RALYL: variants seen among roughly 807,000 people sequenced by gnomAD.
RALYL encodes the protein RALY RNA binding protein like, also known as RNA-binding Raly-like protein.
Under a neutral mutation model 35.1 loss-of-function variants are expected in RALYL, and 29 were observed. The observed-to-expected ratio is 0.83, with a 90% CI of 0.61 to 1.13. The LOEUF is 1.13. Ranked by LOEUF, RALYL falls within the 50% of genes most tolerant of loss-of-function variation. The probability of loss-of-function intolerance (pLI) is 0.00; values close to 1 mark genes in which losing one functional copy is unlikely to be tolerated. For missense variants in RALYL, 359 were observed against 360.4 expected (o/e 1.00, Z 0.03); for synonymous variants, 120 against 127.6 (o/e 0.94, Z 0.40).
chr8:84,340,143 C>A (rs956469825), intron 1 of RALYL, among the ~76,000 whole-genome samples: 2 of 152,046 alleles, frequency 1.3e-5, no homozygotes, highest in African/African-American at 2.4e-5. Flanking sequence ...ACCTCCCCAG[C>A]CATGTGAAAC....
intron 7 of RALYL, among the ~76,000 whole-genome samples, chr8:84,884,585 AAAGT>A (rs1488811027): frequency 2.0e-5 from 3 of 152,002 alleles, no homozygotes; most frequent in African/African-American, 7.2e-5. Context: ...TCAACATCAA[AAAGT>A]AAGAGTTCTC....
intron 7 of RALYL, among the ~76,000 whole-genome samples, chr8:84,873,806 T>C (rs1039577751): frequency 6.6e-6 from 1 of 152,194 alleles, no homozygotes; most frequent in Non-Finnish European, 1.5e-5. Context: ...ATTATTATAA[T>C]GCCCAACTCC....
intron 4 of RALYL, among the ~76,000 whole-genome samples, chr8:84,808,934 A>G (rs1031109452): frequency 2.6e-5 from 4 of 152,156 alleles, no homozygotes; most frequent in African/African-American, 9.7e-5. Flanking sequence ...CAAGGAAAAC[A>G]ATCATATTGT....
chr8:84,864,772 C>G, intron 6 of RALYL: 1 of 608,652 alleles, frequency 1.6e-6, no homozygotes, highest in African/African-American at 1.8e-5. Context: ...ACAGGGGCCC[C>G]TGGGCCTGCT....
At position 84,323,180 on chromosome 8, in the gene RALYL, A is replaced by T. The variant is rs188990743; in HGVS notation, c.-24+138756A>T. 2.0e-5 allele frequency among the ~76,000 whole-genome samples: 3 copies of T among 152,088 alleles called. No individual in the cohort carries two copies. The East Asian group carries it at 5.8e-4, about 29-fold the overall frequency. ...GTCTTCATAAATAGAAGTTGTTTTA[A>T]TAAATGTTAAATGAATTGTAATCCT... is the stretch of plus-strand genomic sequence containing the variant. On this transcript the variant is annotated intron_variant, in intron 1 of 8. Coordinates refer to ENST00000521268, the MANE Select transcript of RALYL (RefSeq NM_173848.7).
chr8:84,763,917 A>C (rs1481189635), intron 2 of RALYL, among the ~76,000 whole-genome samples: 2 of 152,228 alleles, frequency 1.3e-5, no homozygotes, highest in Admixed American at 1.3e-4. Flanking sequence ...CACCAAAGCC[A>C]CAAGGATTCG....
intron 1 of RALYL, among the ~76,000 whole-genome samples, chr8:84,235,977 G>A (rs1442637364): frequency 2.8e-4 from 42 of 151,870 alleles, no homozygotes. Context: ...ATGTTGGCCA[G>A]GATGGTCTTG....
chr8:84,563,984 G>A (rs1450370800), intron 2 of RALYL, among the ~76,000 whole-genome samples: 1 of 151,512 alleles, frequency 6.6e-6, no homozygotes, highest in Non-Finnish European at 1.5e-5. Context: ...TTCCCTGGGG[G>A]AATTGAAGAC....
At chr8:84,236,677 G>A (rs898186074) in intron 1 of RALYL, among the ~76,000 whole-genome samples, 1 of 152,142 alleles carries the variant, frequency 6.6e-6, no homozygotes, top group African/African-American at 2.4e-5. Context: ...TGTAAGGGCT[G>A]TGGCTTTCCC....
At chr8:84,315,924 A>C (rs562292991) in intron 1 of RALYL, among the ~76,000 whole-genome samples, 24 of 152,222 alleles carry the variant, frequency 1.6e-4, no homozygotes, top group Non-Finnish European at 3.2e-4. Flanking sequence ...CTTTGGTAAT[A>C]ACAACCAAAT....
At position 84,445,317 on chromosome 8, in the gene RALYL, A is replaced by G. The variant is rs370367383; in HGVS notation, c.-23-83982A>G. ...GTCTATATAAATTACAGGAAGTTAC[A>G]TGACTTTATAATCAGTATTTTTTCT... On this transcript the variant is annotated intron_variant, in intron 1 of 8. Coordinates refer to ENST00000521268, the MANE Select transcript of RALYL (RefSeq NM_173848.7). Among the ~76,000 whole-genome samples the G allele has an allele frequency of 1.3e-4, 20 of 152,208 alleles. 2 individuals are homozygous for G. The South Asian group carries it at 3.7e-3, about 28-fold the overall frequency.
At position 84,873,355 on chromosome 8, in the gene RALYL, G is replaced by T; in HGVS notation, c.643G>T (p.Gly215Trp). The change falls in exon 7 of 9, where the codon GGG becomes TGG. Residue 215 changes from glycine (G) to tryptophan (W), a missense_variant. Gly to Trp is a radical substitution (Grantham distance 184). Coordinates refer to ENST00000521268, the MANE Select transcript of RALYL (RefSeq NM_173848.7). ...CAAAACTAAAATTGACTCCTTGCTA[G>T]GGCGCCTGGAGAAGATTGAGAAACA... Reference protein sequence around the residue: ...QIKTKIDSLLGRLEKIEKQQK... With the variant: ...QIKTKIDSLLWRLEKIEKQQK... 6.2e-7 allele frequency: 1 copy of T among 1,601,808 alleles called. No homozygotes were observed. Among genetic ancestry groups the T allele is most frequent in the Non-Finnish European group, 8.5e-7 (1 of 1,173,996 alleles).
chr8:84,481,015 T>C (rs2053984436), intron 1 of RALYL, among the ~76,000 whole-genome samples: 1 of 152,146 alleles, frequency 6.6e-6, no homozygotes, highest in Non-Finnish European at 1.5e-5. Context: ...TCTGAACATA[T>C]TTACTACAAA....
At chr8:84,765,445 T>C (rs1218831398) in intron 2 of RALYL, among the ~76,000 whole-genome samples, 1 of 152,064 alleles carries the variant, frequency 6.6e-6, no homozygotes, top group Non-Finnish European at 1.5e-5. Flanking sequence ...TGGGCTTTGC[T>C]CAATAGGAAA....
At position 84,560,901 on chromosome 8, in the gene RALYL, G is replaced by GTAA. The variant is rs751801587; in HGVS notation, c.256+31326_256+31328dup. 1.8e-4 allele frequency among the ~76,000 whole-genome samples: 28 copies of GTAA among 152,042 alleles called. 1 individual carries two copies. Among genetic ancestry groups the GTAA allele is most frequent in the Admixed American group, 4.6e-4 (7 of 15,240 alleles). ...ACCTATTCTCTATTTCTGGTTCTCTGTAATTATCAAATGGATGTTTTCTCC... is the reference window on the plus strand; with the variant it reads ...ACCTATTCTCTATTTCTGGTTCTCTGTAATAATTATCAAATGGATGTTTTCTCC... On this transcript the variant is annotated intron_variant, in intron 2 of 8. Transcript: ENST00000521268.
intron 2 of RALYL, among the ~76,000 whole-genome samples, chr8:84,583,359 A>C (rs1811274432): frequency 6.6e-6 from 1 of 152,120 alleles, no homozygotes; most frequent in African/African-American, 2.4e-5. Context: ...TCACTTTGAT[A>C]AAAAATGGAT....
In RALYL at chr8:84,582,336, C is replaced by T. The variant is rs560463925; in HGVS notation, c.256+52759C>T. Among the ~76,000 whole-genome samples the T allele has an allele frequency of 1.2e-4, 19 of 152,096 alleles. No individual in the cohort carries two copies. The South Asian group carries it at 2.7e-3, about 22-fold the overall frequency. ...TAATGAGAACTACTGTTATAACAAA[C>T]GTAACTCATTTTTGTTTAAATTATA... is the stretch of plus-strand genomic sequence containing the variant. On this transcript the variant is annotated intron_variant, in intron 2 of 8. Coordinates refer to ENST00000521268, the MANE Select transcript of RALYL (RefSeq NM_173848.7).
intron 2 of RALYL, among the ~76,000 whole-genome samples, chr8:84,757,440 G>A (rs1423533023): frequency 1.3e-5 from 2 of 152,150 alleles, no homozygotes; most frequent in Admixed American, 1.3e-4. Flanking sequence ...AACTGCCGAT[G>A]TGCAGTTTGT....
chr8:84,477,933 T>G (rs2053610983), intron 1 of RALYL, among the ~76,000 whole-genome samples: 4 of 152,174 alleles, frequency 2.6e-5, no homozygotes, highest in Admixed American at 2.6e-4. Context: ...CCTTTTTTAA[T>G]AGATAAGAAA....
Sources: allele counts gnomAD v4.1 joint callset (sites outside exome capture counted in the v4.1 genomes callset), GRCh38; gene constraint gnomAD v4.1.1; transcripts MANE v1.5; gene names NCBI Gene and HGNC (gene_info 2026-07-23, HGNC 2026-07-21).